The following FRMD4A variants were observed in gnomAD, a reference collection of about 807,000 sequenced individuals.
The protein encoded by FRMD4A is FERM domain-containing protein 4A.
Under a neutral mutation model 129.1 loss-of-function variants are expected in FRMD4A, and 29 were observed. The ratio of observed to expected loss-of-function variants is 0.22; its 90% CI spans 0.17 to 0.31. The LOEUF (loss-of-function observed/expected upper bound fraction) is 0.31. FRMD4A is among the 10% of genes least tolerant of loss of function. FRMD4A has a pLI of 1.00. For missense variants in FRMD4A, 1,272 were observed against 1,375.8 expected (o/e 0.92, Z 1.19); for synonymous variants, 634 against 571.6 (o/e 1.11, Z -1.56).
intron 2 of FRMD4A, among the ~76,000 whole-genome samples, chr10:14,255,824 G>A (rs1433928738): frequency 6.6e-6 from 1 of 152,090 alleles, no homozygotes; most frequent in African/African-American, 2.4e-5. Flanking sequence ...TGACCAACAT[G>A]GTGAAATCCA....
At chr10:13,999,885 C>T (rs775083776) in intron 2 of FRMD4A, among the ~76,000 whole-genome samples, 4 of 152,206 alleles carry the variant, frequency 2.6e-5, no homozygotes, top group Admixed American at 6.5e-5. Flanking sequence ...CACTGCAACC[C>T]TGGCCCTTGA....
chr10:13,987,157 G>T (rs1463074098), intron 2 of FRMD4A, among the ~76,000 whole-genome samples: 1 of 152,096 alleles, frequency 6.6e-6, no homozygotes, highest in Non-Finnish European at 1.5e-5. Flanking sequence ...GTCCGTCACT[G>T]TACTTAATGT....
At chr10:14,010,001 C>A (rs1216441476) in intron 2 of FRMD4A, among the ~76,000 whole-genome samples, 3 of 152,162 alleles carry the variant, frequency 2.0e-5, no homozygotes, top group African/African-American at 4.8e-5. Flanking sequence ...AAACTCATTT[C>A]TTTGTAAAAC....
chr10:14,124,568 C>T (rs1838723923), intron 2 of FRMD4A, among the ~76,000 whole-genome samples: 1 of 152,156 alleles, frequency 6.6e-6, no homozygotes. Context: ...CTCAGCTACT[C>T]AGAAGGCTGA....
intron 2 of FRMD4A, among the ~76,000 whole-genome samples, chr10:13,864,678 C>G (rs890152436): frequency 6.6e-6 from 1 of 150,962 alleles, no homozygotes; most frequent in South Asian, 2.1e-4. Flanking sequence ...TGAGTTCATG[C>G]GATTCTCCTG....
intron 2 of FRMD4A, among the ~76,000 whole-genome samples, chr10:14,280,847 G>A (rs962224183): frequency 1.3e-5 from 2 of 152,004 alleles, no homozygotes; most frequent in African/African-American, 4.8e-5. Flanking sequence ...AGGCTCAATG[G>A]TGTTCTCTCA....
At chr10:14,135,889 G>A (rs552560011) in intron 2 of FRMD4A, among the ~76,000 whole-genome samples, 2 of 152,266 alleles carry the variant, frequency 1.3e-5, no homozygotes, top group East Asian at 3.9e-4. Context: ...GGTATTAGGA[G>A]AAACTGTATA....
intron 2 of FRMD4A, among the ~76,000 whole-genome samples, chr10:14,200,460 T>C (rs2131938724): frequency 6.6e-6 from 1 of 152,152 alleles, no homozygotes; most frequent in South Asian, 2.1e-4. Flanking sequence ...GCAAGGCTAA[T>C]TTTTGTATTT....
Position 13,728,123 on chromosome 10 carries a change from G to C in FRMD4A, c.759+9721C>G, listed in dbSNP as rs184792945. Reference sequence around the variant, plus strand: ...CAACTCCTAGGGTTTCAGAGAACTAGAAAGTCTAGGAATACAGAGGGTGCT... The same window carrying C: ...CAACTCCTAGGGTTTCAGAGAACTACAAAGTCTAGGAATACAGAGGGTGCT... On this transcript the variant is annotated intron_variant, in intron 12 of 24. Coordinates refer to ENST00000357447, the MANE Select transcript of FRMD4A (RefSeq NM_018027.5). Among the ~76,000 whole-genome samples, 8 of 152,354 alleles carry C rather than the reference G, an allele frequency of 5.3e-5. No homozygotes were observed. The East Asian group carries it at 1.5e-3, about 29-fold the overall frequency.
At position 13,656,997 on chromosome 10, in the gene FRMD4A, C is replaced by A; in HGVS notation, c.2592G>T (p.Lys864Asn). Residue 864 changes from lysine to asparagine, a missense_variant, in exon 22 of 25, where the codon AAG (lysine) becomes AAT (asparagine). Physicochemically the swap from Lys to Asn is moderately conservative, Grantham distance 94. Transcript: ENST00000357447. Reference sequence around the variant, plus strand: ...AGGAGTTGGACGTCTTGAACTGAGCCTTGACGCTGTAGTGGCCCTCCTGGT... The same window carrying A: ...AGGAGTTGGACGTCTTGAACTGAGCATTGACGCTGTAGTGGCCCTCCTGGT... ...ESDQEGHYSV[K>N]AQFKTSNSYT... is the part of the protein sequence containing the mutation. The A allele has an allele frequency of 6.4e-7, 1 of 1,566,014 alleles. No homozygotes were observed. The highest frequency in any genetic ancestry group is 2.4e-5 in the East Asian group (1 of 41,448).
intron 2 of FRMD4A, among the ~76,000 whole-genome samples, chr10:13,873,553 T>G (rs2131093906): frequency 6.6e-6 from 1 of 152,316 alleles, no homozygotes; most frequent in Non-Finnish European, 1.5e-5. Flanking sequence ...TTAAATTAGT[T>G]AATTTATTTT....
At chr10:14,185,534 G>T (rs369955840) in intron 2 of FRMD4A, among the ~76,000 whole-genome samples, 5 of 151,372 alleles carry the variant, frequency 3.3e-5, no homozygotes, top group African/African-American at 7.4e-5. Flanking sequence ...TAGAACTATG[G>T]AAACTTGAAA....
Position 13,663,512 on chromosome 10 carries a change from G to A in FRMD4A, c.1604-3C>T, listed in dbSNP as rs1387488358. 2.0e-6 allele frequency: 3 copies of A among 1,507,238 alleles called. No homozygotes were observed. Among genetic ancestry groups the A allele is most frequent in the Admixed American group, 1.7e-5 (1 of 59,872 alleles). 93.4% of individuals were successfully genotyped at this position (1,507,238 alleles called of 1,614,324 possible). A position where few individuals can be genotyped will look rare whatever the true frequency, so the allele number is the denominator to read the frequency against. On this transcript the variant is annotated splice_polypyrimidine_tract_variant and splice_region_variant and intron_variant, in intron 18 of 24. Transcript: ENST00000357447. ...GTCTTCACTGGCAATGTTTCCATCT[G>A]AGAAGACAAAAAGCAATAGCCTATG...
intron 2 of FRMD4A, among the ~76,000 whole-genome samples, chr10:14,211,506 T>C (rs753114381): frequency 1.3e-5 from 2 of 152,214 alleles, no homozygotes; most frequent in Non-Finnish European, 2.9e-5. Context: ...AGAACTGCTA[T>C]AGGAATCAAA....
In FRMD4A at chr10:13,752,935, A is replaced by G. The variant is rs774947479; in HGVS notation, c.465-5116T>C. 6.8e-4 allele frequency among the ~76,000 whole-genome samples: 103 copies of G among 152,178 alleles called. 4 individuals are homozygous for G. Among genetic ancestry groups the G allele is most frequent in the Non-Finnish European group, 3.7e-4 (25 of 68,032 alleles). ...TTGGGCTGGAGGTGTTGATGTGTTT[A>G]ATTCCAGGTGCTGCCCTAGGCCCTG... On this transcript the variant is annotated intron_variant, in intron 8 of 24. Transcript: ENST00000357447.
At chr10:13,753,759 C>G (rs1408349397) in intron 8 of FRMD4A, among the ~76,000 whole-genome samples, 2 of 151,926 alleles carry the variant, frequency 1.3e-5, no homozygotes, top group Admixed American at 1.3e-4. Flanking sequence ...TGCCTAGGCT[C>G]ATCTTGAACT....
intron 2 of FRMD4A, among the ~76,000 whole-genome samples, chr10:13,878,678 G>A (rs770625533): frequency 1.3e-5 from 2 of 152,012 alleles, no homozygotes; most frequent in Admixed American, 6.6e-5. Context: ...ACTTGAACCC[G>A]GGAGGCGGAG....
rs116704171 is a variant in FRMD4A, at chr10:13,792,676, C to T, written c.299+3820G>A. ...GACAGGTGCTGAATAATGGATAGTT[C>T]CCGCCTCTCCAGTCTTTATCCTTTT... On this transcript the variant is annotated intron_variant, in intron 5 of 24. Coordinates refer to ENST00000357447, the MANE Select transcript of FRMD4A (RefSeq NM_018027.5). Among the ~76,000 whole-genome samples the T allele has an allele frequency of 6.0e-3, 914 of 152,298 alleles. 11 individuals carry two copies. Among genetic ancestry groups the T allele is most frequent in the African/African-American group, 0.021 (875 of 41,564 alleles).
chr10:13,856,206 G>C (rs2094211748), intron 3 of FRMD4A, among the ~76,000 whole-genome samples: 1 of 146,890 alleles, frequency 6.8e-6, no homozygotes, highest in Non-Finnish European at 1.5e-5. Flanking sequence ...TCTATAGATG[G>C]ATTTTGTGCA....
Sources: allele counts gnomAD v4.1 joint callset (sites outside exome capture counted in the v4.1 genomes callset), GRCh38; gene constraint gnomAD v4.1.1; transcripts MANE v1.5; gene names NCBI Gene and HGNC (gene_info 2026-07-23, HGNC 2026-07-21).